Variants in LYPD6B observed in about 807,000 individuals in gnomAD.
The protein encoded by LYPD6B is LY6/PLAUR domain containing 6B.
Under a neutral mutation model 22.8 loss-of-function variants are expected in LYPD6B, and 17 were observed. The ratio of observed to expected loss-of-function variants is 0.75; its 90% CI spans 0.51 to 1.12. The LOEUF (loss-of-function observed/expected upper bound fraction) is 1.12. Among genes scored for constraint, LYPD6B ranks in the 50% most tolerant of loss-of-function variants. The pLI is 0.00. For missense variants in LYPD6B, 221 were observed against 258.3 expected, an observed-to-expected ratio of 0.86 and a Z score of 0.99; for synonymous variants, 106 against 91.6, an observed-to-expected ratio of 1.16 and a Z score of -0.90.
intron 2 of LYPD6B, among the ~76,000 whole-genome samples, chr2:149,145,040 T>C (rs1218834273): frequency 1.3e-5 from 2 of 152,186 alleles, no homozygotes; most frequent in African/African-American, 4.8e-5. Flanking sequence ...TATGTGCATA[T>C]TTTTTCTGGG....
At chr2:149,128,698 T>A (rs1379363897) in intron 1 of LYPD6B, among the ~76,000 whole-genome samples, 2 of 152,220 alleles carry the variant, frequency 1.3e-5, no homozygotes, top group African/African-American at 2.4e-5. Flanking sequence ...AAAATAACCT[T>A]ACAAAACAAG....
chr2:149,196,020 G>C (rs1692784974), intron 3 of LYPD6B, among the ~76,000 whole-genome samples: 1 of 152,128 alleles, frequency 6.6e-6, no homozygotes. Flanking sequence ...CTTTACCCTT[G>C]TGGGACCATG....
At chr2:149,124,737 C>G (rs1052017896) in intron 1 of LYPD6B, among the ~76,000 whole-genome samples, 1 of 152,156 alleles carries the variant, frequency 6.6e-6, no homozygotes, top group African/African-American at 2.4e-5. Flanking sequence ...CCCCGGCCAA[C>G]AGACCTTTCT....
intron 3 of LYPD6B, among the ~76,000 whole-genome samples, chr2:149,190,338 G>C (rs891649227): frequency 2.0e-5 from 3 of 152,050 alleles, no homozygotes; most frequent in Non-Finnish European, 4.4e-5. Context: ...ATGGACACTT[G>C]GGTTGTTTTC....
At chr2:149,130,856 G>A in intron 1 of LYPD6B, 27 bp from the exon 2 acceptor site, 1 of 939,520 alleles carries the variant, frequency 1.1e-6, no homozygotes, top group Non-Finnish European at 1.7e-6. Context: ...CAGTCATAAT[G>A]ATACCTTTTC....
intron 1 of LYPD6B, among the ~76,000 whole-genome samples, chr2:149,046,502 TG>T (rs1683312075): frequency 6.6e-6 from 1 of 152,046 alleles, no homozygotes; most frequent in African/African-American, 2.4e-5. Context: ...GAGCTTTTTT[TG>T]TTGTTGTTGT....
intron 1 of LYPD6B, among the ~76,000 whole-genome samples, chr2:149,039,558 T>C (rs1682974791): frequency 6.6e-6 from 1 of 152,270 alleles, no homozygotes. Context: ...GGCAAGTTAC[T>C]GAACTGCTCT....
chr2:149,141,681 T>G (rs1206041726), intron 2 of LYPD6B, among the ~76,000 whole-genome samples: 2 of 152,222 alleles, frequency 1.3e-5, no homozygotes, highest in Non-Finnish European at 2.9e-5. Context: ...TTACCCCCTG[T>G]ACCTAATTGG....
intron 1 of LYPD6B, among the ~76,000 whole-genome samples, chr2:149,082,864 G>T (rs1370118450): frequency 6.6e-6 from 1 of 152,168 alleles, no homozygotes; most frequent in South Asian, 2.1e-4. Context: ...GAACCTGACT[G>T]GGTACAGCCA....
intron 1 of LYPD6B, among the ~76,000 whole-genome samples, chr2:149,094,396 A>C (rs1685807586): frequency 6.6e-6 from 1 of 152,232 alleles, no homozygotes; most frequent in African/African-American, 2.4e-5. Context: ...TTGTGTGCAT[A>C]AAGATCATAA....
At chr2:149,054,108 A>G (rs1310544974) in intron 1 of LYPD6B, among the ~76,000 whole-genome samples, 1 of 152,242 alleles carries the variant, frequency 6.6e-6, no homozygotes, top group Non-Finnish European at 1.5e-5. Context: ...TCTCTTGCAT[A>G]TACAATTAGG....
chr2:149,141,185 A>G (rs1688671039), intron 2 of LYPD6B, among the ~76,000 whole-genome samples: 1 of 152,170 alleles, frequency 6.6e-6, no homozygotes, highest in South Asian at 2.1e-4. Flanking sequence ...TTTTGTGACT[A>G]AGTGACGTTT....
intron 1 of LYPD6B, among the ~76,000 whole-genome samples, chr2:149,086,457 C>T (rs1685395764): frequency 6.6e-6 from 1 of 152,170 alleles, no homozygotes; most frequent in African/African-American, 2.4e-5. Flanking sequence ...CCATGAGCTT[C>T]AAAGTATCAC....
chr2:149,104,571 T>A (rs900732980), intron 1 of LYPD6B, among the ~76,000 whole-genome samples: 1 of 152,222 alleles, frequency 6.6e-6, no homozygotes, highest in African/African-American at 2.4e-5. Context: ...TTTGGATTGT[T>A]TTCTCATTAT....
intron 3 of LYPD6B, among the ~76,000 whole-genome samples, chr2:149,175,061 C>CTCTCTGTGTGTGTG (rs1454802925): frequency 8.9e-5 from 10 of 112,992 alleles, no homozygotes; most frequent in African/African-American, 1.3e-4. Context: ...CTCTCTCTCT[C>CTCTCTGTGTGTGTG]TGTGTGTGTG....
intron 3 of LYPD6B, among the ~76,000 whole-genome samples, chr2:149,186,441 A>T (rs1692108197): frequency 6.6e-6 from 1 of 152,194 alleles, no homozygotes; most frequent in African/African-American, 2.4e-5. Context: ...AGACTTTGAA[A>T]CTAGCAGAGG....
chr2:149,134,289 C>A (rs1013341401), intron 2 of LYPD6B, among the ~76,000 whole-genome samples: 1 of 152,154 alleles, frequency 6.6e-6, no homozygotes, highest in Non-Finnish European at 1.5e-5. Flanking sequence ...CTCATTTTAA[C>A]CATAGTTTTA....
At chr2:149,079,024 G>C (rs527857455) in intron 1 of LYPD6B, among the ~76,000 whole-genome samples, 1 of 145,314 alleles carries the variant, frequency 6.9e-6, no homozygotes, top group African/African-American at 2.6e-5. Context: ...TTTTTTAAAT[G>C]CTTATTTAAA....
intron 5 of LYPD6B, among the ~76,000 whole-genome samples, chr2:149,212,689 A>G (rs2250565): frequency 0.18 from 27,150 of 152,134 alleles, 2,571 homozygotes; most frequent in East Asian, 0.36. Context: ...TTTCATATCA[A>G]ATGAGCAGAC....
Sources: allele counts gnomAD v4.1 joint callset (sites outside exome capture counted in the v4.1 genomes callset), GRCh38; gene constraint gnomAD v4.1.1; transcripts MANE v1.5; gene names NCBI Gene and HGNC (gene_info 2026-07-23, HGNC 2026-07-21).